Variants in CCDC30 observed in about 807,000 individuals in gnomAD.
CCDC30 encodes the protein coiled-coil domain-containing protein 30.
A neutral mutation model predicts 100.2 loss-of-function variants in CCDC30; 70 were observed. The ratio of observed to expected loss-of-function variants is 0.70; its 90% CI spans 0.58 to 0.85. The LOEUF is 0.85. Among genes scored for constraint, CCDC30 ranks in the 40% least tolerant of loss-of-function variants. CCDC30 has a pLI of 0.00. For missense variants in CCDC30, 652 were observed against 771.2 expected (o/e 0.85, Z 1.83); for synonymous variants, 233 against 269.5 (o/e 0.86, Z 1.33).
chr1:42,499,005 T>C, intron 6 of CCDC30, 89 bp downstream of exon 6: 1 of 586,308 alleles, frequency 1.7e-6, no homozygotes, highest in Non-Finnish European at 2.5e-6. Context: ...GTGCTAATCA[T>C]TTGCTACTCT....
At chr1:42,527,495 A>G (rs555945135) in intron 6 of CCDC30, among the ~76,000 whole-genome samples, 6 of 152,380 alleles carry the variant, frequency 3.9e-5, no homozygotes, top group Admixed American at 6.5e-5. Context: ...GAATGAAGGC[A>G]TATTTTGTAC....
intron 1 of CCDC30, chr1:42,473,123 G>T: frequency 3.3e-6 from 4 of 1,228,030 alleles, no homozygotes; most frequent in South Asian, 4.2e-5. Flanking sequence ...TCTATCAAGG[G>T]AAAAGTTCAG....
chr1:42,537,255 A>G (rs977024207), intron 6 of CCDC30: 1 of 456,080 alleles, frequency 2.2e-6, no homozygotes, highest in Non-Finnish European at 4.4e-6. Flanking sequence ...CTATCAGGAG[A>G]CATAATCAGC....
chr1:42,572,852 C>T (rs894197225), intron 7 of CCDC30, among the ~76,000 whole-genome samples: 3 of 152,218 alleles, frequency 2.0e-5, no homozygotes, highest in African/African-American at 7.2e-5. Flanking sequence ...CTCCTGACCT[C>T]AGGTGATCTG....
intron 1 of CCDC30, among the ~76,000 whole-genome samples, chr1:42,479,531 A>G (rs2148452665): frequency 6.6e-6 from 1 of 150,712 alleles, no homozygotes; most frequent in South Asian, 2.2e-4. Context: ...CTTTTCAACA[A>G]ATGATGCTGG....
At chr1:42,636,348 G>A (rs1278449224) in intron 11 of CCDC30, among the ~76,000 whole-genome samples, 2 of 152,124 alleles carry the variant, frequency 1.3e-5, no homozygotes, top group African/African-American at 2.4e-5. Context: ...CGAGGATGTA[G>A]TGAGCCATGA....
chr1:42,642,246 A>AATATAT (rs370118861), intron 12 of CCDC30, among the ~76,000 whole-genome samples: 23 of 148,514 alleles, frequency 1.5e-4, no homozygotes, highest in African/African-American at 5.2e-4. Context: ...CAAACAAAAA[A>AATATAT]ATATATATAT....
At chr1:42,538,440 A>G (rs901553032) in intron 6 of CCDC30, among the ~76,000 whole-genome samples, 2 of 152,096 alleles carry the variant, frequency 1.3e-5, no homozygotes, top group African/African-American at 4.8e-5. Context: ...AGTTAGGAAC[A>G]CAGAGTTTAA....
intron 15 of CCDC30, among the ~76,000 whole-genome samples, chr1:42,651,026 A>G (rs1408867656): frequency 6.6e-6 from 1 of 152,222 alleles, no homozygotes; most frequent in Non-Finnish European, 1.5e-5. Context: ...ATCTATGTGC[A>G]GAAGAATGAA....
chr1:42,635,670 G>A (rs4495753), intron 11 of CCDC30, among the ~76,000 whole-genome samples: 23,864 of 151,814 alleles, frequency 0.16, 2,099 homozygotes, highest in South Asian at 0.31. Context: ...TTAGCCAGGC[G>A]TGGTGGTGGG....
chr1:42,626,367 A>G (rs1646934124), intron 11 of CCDC30, among the ~76,000 whole-genome samples: 2 of 152,146 alleles, frequency 1.3e-5, no homozygotes, highest in South Asian at 4.1e-4. Flanking sequence ...ATTATGATTG[A>G]TAAGTAAGGA....
chr1:42,478,930 C>CT (rs1489988259), intron 1 of CCDC30, among the ~76,000 whole-genome samples: 2 of 152,074 alleles, frequency 1.3e-5, no homozygotes, highest in Non-Finnish European at 2.9e-5. Context: ...AGCAAAGTCA[C>CT]TTTTTTTATT....
intron 11 of CCDC30, among the ~76,000 whole-genome samples, chr1:42,625,969 AC>A (rs1646926193): frequency 6.6e-6 from 1 of 152,078 alleles, no homozygotes; most frequent in South Asian, 2.1e-4. Context: ...TCCCTCTATT[AC>A]TGTATTGGGA....
upstream of CCDC30, among the ~76,000 whole-genome samples, chr1:42,458,288 G>T (rs1388836717): frequency 3.3e-5 from 5 of 152,218 alleles, no homozygotes; most frequent in East Asian, 9.6e-4. Context: ...GGGTAGATTA[G>T]TTGGGGGCTA....
rs754014528 is a variant in CCDC30, at chr1:42,588,249, T to C, written c.1002-1072T>C. Among the ~76,000 whole-genome samples, 334 of 152,248 alleles carry C rather than the reference T, an allele frequency of 2.2e-3. 1 individual carries two copies. The highest frequency in any genetic ancestry group is 3.4e-3 in the Middle Eastern group (1 of 294). On this transcript the variant is annotated intron_variant, in intron 9 of 16. Transcript: ENST00000668663. ...TGTAAGTGTAATTTCTGTGGGACAG[T>C]TGGGCTGGTTTCATGATGAGACTGA...
At chr1:42,507,812 C>A (rs1452235455) in intron 6 of CCDC30, among the ~76,000 whole-genome samples, 1 of 152,148 alleles carries the variant, frequency 6.6e-6, no homozygotes, top group African/African-American at 2.4e-5. Flanking sequence ...AACCTTGAAA[C>A]CTTTAGCAAA....
At chr1:42,632,826 T>C (rs1647065964) in intron 11 of CCDC30, among the ~76,000 whole-genome samples, 1 of 152,046 alleles carries the variant, frequency 6.6e-6, no homozygotes, top group South Asian at 2.1e-4. Flanking sequence ...GTTCTGTTTT[T>C]TTCAGAGACA....
chr1:42,460,443 A>G (rs1643379986), upstream of CCDC30: 1 of 931,108 alleles, frequency 1.1e-6, no homozygotes, highest in East Asian at 1.2e-4. Flanking sequence ...AATTTATCAA[A>G]TATAGTAGTA....
chr1:42,633,035 C>G (rs975503574), intron 11 of CCDC30, among the ~76,000 whole-genome samples: 1 of 152,022 alleles, frequency 6.6e-6, no homozygotes, highest in African/African-American at 2.4e-5. Flanking sequence ...GTCTTGAACT[C>G]CTGGCCTCAA....
Sources: allele counts gnomAD v4.1 joint callset (sites outside exome capture counted in the v4.1 genomes callset), GRCh38; gene constraint gnomAD v4.1.1; transcripts MANE v1.5; gene names NCBI Gene and HGNC (gene_info 2026-07-23, HGNC 2026-07-21).